Variants in SERINC5 observed in about 807,000 individuals in gnomAD.
SERINC5 encodes chromosome 5 open reading frame 12.
A neutral mutation model predicts 63.1 loss-of-function variants in SERINC5; 41 were observed. The observed-to-expected ratio is 0.65, with a 90% CI of 0.51 to 0.84. SERINC5 has a LOEUF of 0.84. Among genes scored for constraint, SERINC5 ranks in the 40% least tolerant of loss-of-function variants. The pLI is 0.00. For synonymous variants in SERINC5, 222 were observed against 215.2 expected, an observed-to-expected ratio of 1.03 and a Z score of -0.28; for missense variants, 523 against 573.0, an observed-to-expected ratio of 0.91 and a Z score of 0.89.
chr5:80,240,519 C>T (rs1751899033), intron 1 of SERINC5, among the ~76,000 whole-genome samples: 1 of 152,134 alleles, frequency 6.6e-6, no homozygotes, highest in Non-Finnish European at 1.5e-5. Context: ...TTTCATTGTG[C>T]AGTTCTGCTT....
intron 6 of SERINC5, 197 bp from the exon 7 acceptor site, chr5:80,166,675 C>T: frequency 2.2e-6 from 1 of 449,124 alleles, no homozygotes; most frequent in Non-Finnish European, 4.1e-6. Context: ...ACACGCTGAA[C>T]TGAACATTGC....
At chr5:80,177,716 C>T (rs1748128098) in intron 3 of SERINC5, among the ~76,000 whole-genome samples, 170 bp downstream of exon 3, 1 of 152,148 alleles carries the variant, frequency 6.6e-6, no homozygotes, top group African/African-American at 2.4e-5. Context: ...AAATAAGATT[C>T]TACCTTTGAG....
At chr5:80,162,845 CTT>C (rs112667326) in intron 7 of SERINC5, among the ~76,000 whole-genome samples, 2 of 146,800 alleles carry the variant, frequency 1.4e-5, no homozygotes, top group Admixed American at 6.8e-5. Flanking sequence ...ACACTACTGA[CTT>C]TTTTTTTTTG....
chr5:80,226,984 C>T (rs1561440417), intron 1 of SERINC5, among the ~76,000 whole-genome samples: 1 of 152,160 alleles, frequency 6.6e-6, no homozygotes, highest in Admixed American at 6.6e-5. Flanking sequence ...CAACCTCCAC[C>T]TCCCGGGTTC....
intron 1 of SERINC5, among the ~76,000 whole-genome samples, chr5:80,242,904 C>T (rs1752009828): frequency 6.6e-6 from 1 of 152,210 alleles, no homozygotes; most frequent in African/African-American, 2.4e-5. Flanking sequence ...GCCTAAATGA[C>T]AGAGCAAGAC....
intron 2 of SERINC5, chr5:80,198,759 G>A (rs577608672): frequency 2.1e-6 from 2 of 946,212 alleles, no homozygotes; most frequent in South Asian, 9.7e-5. Context: ...CTGACTTTGT[G>A]GCCAGATGGC....
In SERINC5 at chr5:80,178,933, A is replaced by G. The variant is rs530049518; in HGVS notation, c.196-869T>C. ...CATACACTCATATCATACTATGCAT[A>G]TAATAAATATATTAAAACAGCTTTT... On this transcript the variant is annotated intron_variant, in intron 2 of 11. Transcript: ENST00000507668. 3.4e-3 allele frequency among the ~76,000 whole-genome samples: 524 copies of G among 152,298 alleles called. 6 individuals are homozygous for G. The highest frequency in any genetic ancestry group is 0.012 in the African/African-American group (501 of 41,554).
At chr5:80,224,021 T>TA (rs2112545593) in intron 1 of SERINC5, among the ~76,000 whole-genome samples, 1 of 149,064 alleles carries the variant, frequency 6.7e-6, no homozygotes, top group South Asian at 2.1e-4. Context: ...TAATCCTAGC[T>TA]ACTTGGGAGG....
intron 1 of SERINC5, among the ~76,000 whole-genome samples, chr5:80,208,373 A>T (rs1211082295): frequency 6.5e-5 from 2 of 30,982 alleles, no homozygotes; most frequent in Non-Finnish European, 1.4e-4. Flanking sequence ...AACTGCTCTA[A>T]AAAAAAAAAA....
chr5:80,223,176 C>A (rs757486305), intron 1 of SERINC5, among the ~76,000 whole-genome samples: 12 of 152,176 alleles, frequency 7.9e-5, no homozygotes, highest in Non-Finnish European at 1.6e-4. Flanking sequence ...TTTTCATAAA[C>A]AAATATGCCT....
chr5:80,236,666 C>T (rs1303230156), intron 1 of SERINC5, among the ~76,000 whole-genome samples: 3 of 151,794 alleles, frequency 2.0e-5, no homozygotes, highest in East Asian at 3.9e-4. Context: ...GCTGGGATTA[C>T]AGGTGCACGC....
At chr5:80,251,850 A>G (rs1353210169) in intron 1 of SERINC5, among the ~76,000 whole-genome samples, 1 of 55,610 alleles carries the variant, frequency 1.8e-5, no homozygotes, top group African/African-American at 6.0e-5. Context: ...CTTGCCTACT[A>G]GAATGTTGGC....
At chr5:80,175,082 C>T in intron 4 of SERINC5, 35 bp from the exon 5 acceptor site, 2 of 1,443,534 alleles carry the variant, frequency 1.4e-6, no homozygotes, top group South Asian at 1.3e-5. Flanking sequence ...ATGAGGCAAC[C>T]TTTCGTTGTA....
chr5:80,133,666 CAACG>C (rs1312702931), intron 11 of SERINC5, among the ~76,000 whole-genome samples: 23 of 152,216 alleles, frequency 1.5e-4, no homozygotes, highest in African/African-American at 5.5e-4. Flanking sequence ...TGTAACCGCC[CAACG>C]AATTTTCCTT....
intron 8 of SERINC5, 170 bp downstream of exon 8, chr5:80,158,666 T>A: frequency 1.7e-6 from 1 of 583,056 alleles, no homozygotes; most frequent in South Asian, 2.7e-5. Flanking sequence ...TAAAAACAAG[T>A]AAGGTGAACG....
At chr5:80,218,513 C>A (rs1022227470) in intron 1 of SERINC5, among the ~76,000 whole-genome samples, 4 of 152,032 alleles carry the variant, frequency 2.6e-5, no homozygotes, top group Non-Finnish European at 5.9e-5. Context: ...GCACTCCAGC[C>A]TGGGCAACAA....
chr5:80,113,708 T>G (rs1329119644), intron 11 of SERINC5: 2 of 172,004 alleles, frequency 1.2e-5, no homozygotes, highest in African/African-American at 4.8e-5. Flanking sequence ...ATGAGACTTA[T>G]TCACTATCAC....
At chr5:80,221,884 C>T (rs1050646562) in intron 1 of SERINC5, among the ~76,000 whole-genome samples, 19 of 151,740 alleles carry the variant, frequency 1.3e-4, no homozygotes, top group Admixed American at 3.3e-4. Context: ...CGGTGGTTCA[C>T]GCCTATAATC....
At chr5:80,195,079 G>A (rs1160172800) in intron 2 of SERINC5, among the ~76,000 whole-genome samples, 2 of 152,112 alleles carry the variant, frequency 1.3e-5, no homozygotes, top group Admixed American at 6.5e-5. Flanking sequence ...CTGAGGTCAG[G>A]AGTTCGAGAC....
Sources: gnomAD v4.1 joint callset for allele counts (sites outside exome capture counted in the v4.1 genomes callset) on GRCh38, gnomAD v4.1.1 for gene constraint, MANE v1.5 for transcripts, NCBI Gene and HGNC (gene_info 2026-07-23, HGNC 2026-07-21) for gene names.